Variants in HBEGF observed in about 807,000 individuals in gnomAD.
The protein encoded by HBEGF is proheparin-binding EGF-like growth factor.
HBEGF carries 8 observed loss-of-function variants against 19.5 expected under a neutral mutation model. That is an observed-to-expected ratio of 0.41 (90% CI 0.24 to 0.74). HBEGF has a LOEUF of 0.74. Ranked by LOEUF, HBEGF falls within the 30% of genes least tolerant of loss-of-function variation. The pLI, the probability that HBEGF is intolerant of heterozygous loss-of-function variation, is 0.32. For missense variants in HBEGF, 207 were observed against 256.9 expected (o/e 0.81, Z 1.33); for synonymous variants, 97 against 108.9 (o/e 0.89, Z 0.68).
At chr5:140,338,520 G>T (rs1327724857) in intron 3 of HBEGF, among the ~76,000 whole-genome samples, 1 of 152,118 alleles carries the variant, frequency 6.6e-6, no homozygotes, top group African/African-American at 2.4e-5. Context: ...AACTCCACAG[G>T]TAGTTACTCA....
At chr5:140,342,557 G>A (rs1429950940) in intron 3 of HBEGF, 78 bp downstream of exon 3, 40 of 1,330,610 alleles carry the variant, frequency 3.0e-5, no homozygotes, top group Non-Finnish European at 4.2e-5. Flanking sequence ...TGAATTCAAG[G>A]AACAGTGACA....
chr5:140,334,112 T>A lies in HBEGF; in HGVS notation c.*187A>T. The A allele has an allele frequency of 6.5e-6, 1 of 153,606 alleles. No individual in the cohort carries two copies. Among genetic ancestry groups the A allele is most frequent in the East Asian group, 1.9e-4 (1 of 5,224 alleles). The allele number at this position is 153,606 out of a possible 1,614,324, so 9.5% of individuals were successfully genotyped here. A position where few individuals can be genotyped will look rare whatever the true frequency, so the allele number is the denominator to read the frequency against. On this transcript the variant is annotated 3_prime_UTR_variant, in exon 6 of 6. Transcript: ENST00000230990. ...CTTACCCAGATACCATCGGACATAC[T>A]CTGTTTGGCACTTGAAGGCTCTGGT...
At chr5:140,344,137 A>T (rs1581114314) in intron 2 of HBEGF, among the ~76,000 whole-genome samples, 3 of 141,640 alleles carry the variant, frequency 2.1e-5, no homozygotes, top group Middle Eastern at 7.4e-3. Flanking sequence ...GACTATGTTT[A>T]AAAAAAAAAA....
At position 140,333,976 on chromosome 5, in the gene HBEGF, T is replaced by A. The variant is rs1024339796; in HGVS notation, c.*323A>T. 6.6e-6 allele frequency: 1 copy of A among 152,652 alleles called. No homozygotes were observed. Among genetic ancestry groups the A allele is most frequent in the Non-Finnish European group, 1.5e-5 (1 of 68,050 alleles). 9.5% of individuals were successfully genotyped at this position (152,652 alleles called of 1,614,324 possible). A position where few individuals can be genotyped will look rare whatever the true frequency, so the allele number is the denominator to read the frequency against. On this transcript the variant is annotated 3_prime_UTR_variant, in exon 6 of 6. Transcript: ENST00000230990. ...CAAAGATCCTGGAGCATATGGAATT[T>A]AACCGGCATTCTAATCCAGAAGATA... is the stretch of plus-strand genomic sequence containing the variant.
rs1766191475 is a variant in HBEGF, at chr5:140,334,026, G to A, written c.*273C>T. 6.6e-6 allele frequency: 1 copy of A among 152,594 alleles called. No individual in the cohort carries two copies. Among genetic ancestry groups the A allele is most frequent in the South Asian group, 2.1e-4 (1 of 4,828 alleles). The allele number at this position is 152,594 out of a possible 1,614,324, so 9.5% of individuals were successfully genotyped here. On this transcript the variant is annotated 3_prime_UTR_variant, in exon 6 of 6. Coordinates refer to ENST00000230990, the MANE Select transcript of HBEGF (RefSeq NM_001945.3). ...AAGTGTTTAAACAAACTTATGAGGG[G>A]AAGTGGGGTTTGGTGGAGGGGAATC...
chr5:140,340,285 C>CAA (rs1222094704), intron 3 of HBEGF, among the ~76,000 whole-genome samples: 1 of 131,762 alleles, frequency 7.6e-6, no homozygotes, highest in Non-Finnish European at 1.6e-5. Flanking sequence ...GATTCCATCT[C>CAA]AAAAAAAAAA....
intron 3 of HBEGF, among the ~76,000 whole-genome samples, chr5:140,336,523 C>G (rs1766230100): frequency 6.6e-6 from 1 of 152,352 alleles, no homozygotes; most frequent in African/African-American, 2.4e-5. Context: ...TCCAGTCCCT[C>G]TCCACTGCTG....
intron 2 of HBEGF, among the ~76,000 whole-genome samples, chr5:140,344,401 C>T (rs1001323275): frequency 1.3e-5 from 2 of 151,900 alleles, no homozygotes; most frequent in Non-Finnish European, 2.9e-5. Context: ...CACTTAACTC[C>T]TCTGAACCTC....
chr5:140,340,582 C>CAAAAAAAAAAAAAAAAAAAAAAAA (rs61489261), intron 3 of HBEGF, among the ~76,000 whole-genome samples: 11 of 59,844 alleles, frequency 1.8e-4, no homozygotes, highest in South Asian at 7.9e-4. Flanking sequence ...GACTCTGTCT[C>CAAAAAAAAAAAAAAAAAAAAAAAA]AAAAAAAAAA....
chr5:140,336,134 AATCCCTGACCACG>A, intron 3 of HBEGF, 107 bp from the exon 4 acceptor site: 1 of 1,136,758 alleles, frequency 8.8e-7, no homozygotes, highest in East Asian at 2.4e-5. Flanking sequence ...TCAGCCTGTC[AATCCCTGACCACG>A]ATCCCTGCCC....
At chr5:140,334,950 T>C in intron 4 of HBEGF, 1 of 604,568 alleles carries the variant, frequency 1.7e-6, no homozygotes, top group Non-Finnish European at 3.0e-6. Context: ...AATTTACAAA[T>C]AGCTTTCACC....
chr5:140,334,838 G>A, intron 4 of HBEGF, 90 bp from the exon 5 acceptor site: 1 of 1,050,950 alleles, frequency 9.5e-7, no homozygotes, highest in Non-Finnish European at 1.5e-6. Flanking sequence ...CTGCCATGGT[G>A]GTTTCCTCTA....
rs1766214492 is a variant in HBEGF, at chr5:140,335,432, G to A, written c.554+440C>T. Reference sequence around the variant, plus strand: ...GAAAGAAAACAGGCATAGAGTGCTTGGTGGGTCTCCCAAGCTAGAGCATAC... The same window carrying A: ...GAAAGAAAACAGGCATAGAGTGCTTAGTGGGTCTCCCAAGCTAGAGCATAC... On this transcript the variant is annotated intron_variant, in intron 4 of 5. Transcript: ENST00000230990. Among the ~76,000 whole-genome samples the A allele has an allele frequency of 2.0e-5, 3 of 151,668 alleles. No homozygotes were observed. The South Asian group carries it at 6.3e-4, about 32-fold the overall frequency.
intron 4 of HBEGF, chr5:140,335,141 T>C: frequency 5.7e-6 from 1 of 175,148 alleles, no homozygotes; most frequent in South Asian, 1.4e-4. Flanking sequence ...CCCAGCACTT[T>C]GGGAGGCCGA....
chr5:140,344,255 C>T (rs1331381889), intron 2 of HBEGF, among the ~76,000 whole-genome samples: 1 of 152,150 alleles, frequency 6.6e-6, no homozygotes, highest in Non-Finnish European at 1.5e-5. Flanking sequence ...TCCTTCCTCA[C>T]CACACCAAGC....
Position 140,346,271 on chromosome 5 carries a change from C to A in HBEGF, c.46+12G>T. Reference sequence around the variant, plus strand: ...TCCCCCCGATCTCCGGGGGCGTCGGCAGCCCTCTTACCTGCAGCCAGAAAG... The same window carrying A: ...TCCCCCCGATCTCCGGGGGCGTCGGAAGCCCTCTTACCTGCAGCCAGAAAG... On this transcript the variant is annotated intron_variant, in intron 1 of 5. Transcript: ENST00000230990. This position sits in a 1 kb window ranked among gnomAD's most constrained non-coding sequence, Gnocchi z 6.1. 1 of 1,602,156 alleles carries A rather than the reference C, an allele frequency of 6.2e-7. No homozygotes were observed. The highest frequency in any genetic ancestry group is 8.5e-7 in the Non-Finnish European group (1 of 1,175,090).
chr5:140,334,433 G>C (rs1766197384), intron 5 of HBEGF, among the ~76,000 whole-genome samples, 153 bp from the exon 6 acceptor site: 1 of 152,114 alleles, frequency 6.6e-6, no homozygotes, highest in Non-Finnish European at 1.5e-5. Flanking sequence ...GAGGGGATGA[G>C]GGTGGGAGAA....
chr5:140,340,582 C>CAAAAAAAAAAAAAAAA (rs61489261), intron 3 of HBEGF, among the ~76,000 whole-genome samples: 7 of 59,838 alleles, frequency 1.2e-4, no homozygotes, highest in Non-Finnish European at 1.8e-4. Context: ...GACTCTGTCT[C>CAAAAAAAAAAAAAAAA]AAAAAAAAAA....
intron 3 of HBEGF, among the ~76,000 whole-genome samples, chr5:140,339,823 G>A (rs934973655): frequency 1.3e-5 from 2 of 152,170 alleles, no homozygotes; most frequent in African/African-American, 4.8e-5. Context: ...GACACACCCT[G>A]GCTAGTGGTT....
Sources: gnomAD v4.1 joint callset for allele counts (sites outside exome capture counted in the v4.1 genomes callset) on GRCh38, gnomAD v4.1.1 for gene constraint, Gnocchi (gnomAD v3.1) non-coding constraint, MANE v1.5 for transcripts, NCBI Gene and HGNC (gene_info 2026-07-23, HGNC 2026-07-21) for gene names.